CARS2: variants seen among roughly 807,000 people sequenced by gnomAD.
CARS2 encodes the protein cysteinyl-tRNA synthetase 2, mitochondrial.
A neutral mutation model predicts 68.8 loss-of-function variants in CARS2; 52 were observed. The ratio of observed to expected loss-of-function variants is 0.76; its 90% CI spans 0.61 to 0.95. The LOEUF is 0.95. Among genes scored for constraint, CARS2 ranks in the 40% least tolerant of loss-of-function variants. The probability of loss-of-function intolerance (pLI) is 0.00; values close to 1 mark genes in which losing one functional copy is unlikely to be tolerated. For synonymous variants in CARS2, 314 were observed against 303.6 expected (o/e 1.03, Z -0.36); for missense variants, 780 against 754.2 (o/e 1.03, Z -0.40).
rs552719429 is a variant in CARS2 at position 110,642,265 on chromosome 13, G to C, written c.1623+50C>G. On this transcript the variant is annotated intron_variant, in intron 14 of 14. Coordinates refer to ENST00000257347, the MANE Select transcript of CARS2 (RefSeq NM_024537.4). ...GCCTCTGATGGCCCCACGTCCTGTT[G>C]ACCTACCCGGCTCCTGGGGTGATGT... 4 of 1,444,062 alleles carry C rather than the reference G, an allele frequency of 2.8e-6. No individual in the cohort carries two copies. In the South Asian group the frequency reaches 3.7e-5, roughly 13 times the overall value. The allele number at this position is 1,444,062 out of a possible 1,614,324, so 89.5% of individuals were successfully genotyped here.
chr13:110,701,562 GAAAA>G lies in CARS2; in HGVS notation c.276-11_276-8del. On this transcript the variant is annotated splice_polypyrimidine_tract_variant and splice_region_variant and intron_variant, in intron 2 of 14. Transcript: ENST00000257347. ...ATCAAATCTAACATATGAGCTGAAA[GAAAA>G]AAAGTGTCAGGATGTCTTTATTACA... is the stretch of plus-strand genomic sequence containing the variant. The G allele has an allele frequency of 8.1e-7, 1 of 1,231,358 alleles. No homozygotes were observed. The highest frequency in any genetic ancestry group is 1.5e-5 in the African/African-American group (1 of 66,686). The allele number at this position is 1,231,358 out of a possible 1,614,324, so 76.3% of individuals were successfully genotyped here. A position where few individuals can be genotyped will look rare whatever the true frequency, so the allele number is the denominator to read the frequency against.
intron 7 of CARS2, among the ~76,000 whole-genome samples, chr13:110,669,335 G>A (rs1415663929): frequency 6.6e-6 from 1 of 151,998 alleles, no homozygotes; most frequent in Non-Finnish European, 1.5e-5. Flanking sequence ...CCTCGTGTGG[G>A]AGATAATTAT....
chr13:110,673,674 C>T (rs1462672468), intron 7 of CARS2, among the ~76,000 whole-genome samples: 2 of 152,150 alleles, frequency 1.3e-5, no homozygotes, highest in Non-Finnish European at 2.9e-5. Flanking sequence ...TGCCCTCTCT[C>T]ACCACTCCTA....
At chr13:110,658,653 T>C (rs1215876201) in intron 9 of CARS2, among the ~76,000 whole-genome samples, 1 of 152,188 alleles carries the variant, frequency 6.6e-6, no homozygotes, top group African/African-American at 2.4e-5. Context: ...CCAGGCGCAG[T>C]GACTCATGCC....
intron 2 of CARS2, among the ~76,000 whole-genome samples, chr13:110,702,633 C>T (rs1339251632): frequency 3.3e-5 from 5 of 152,208 alleles, no homozygotes; most frequent in Admixed American, 6.5e-5. Context: ...GGCTGAGTCC[C>T]GGAACTGCCC....
intron 12 of CARS2, chr13:110,645,662 G>A: frequency 3.5e-6 from 1 of 281,904 alleles, no homozygotes; most frequent in Non-Finnish European, 6.6e-6. Flanking sequence ...CTCTGTGAAA[G>A]GGCCATGAAT....
intron 7 of CARS2, among the ~76,000 whole-genome samples, chr13:110,671,681 A>G (rs1237592722): frequency 1.3e-5 from 2 of 152,232 alleles, no homozygotes; most frequent in South Asian, 2.1e-4. Flanking sequence ...ACCAGCTAAC[A>G]TCATAATGAC....
At chr13:110,671,614 C>T (rs184884902) in intron 7 of CARS2, among the ~76,000 whole-genome samples, 156 of 152,272 alleles carry the variant, frequency 1.0e-3, no homozygotes, top group Non-Finnish European at 1.2e-3. Flanking sequence ...AAAAACATGC[C>T]GAATTGTAAA....
At chr13:110,652,312 G>C (rs914613329) in intron 9 of CARS2, among the ~76,000 whole-genome samples, 2 of 152,264 alleles carry the variant, frequency 1.3e-5, no homozygotes, top group African/African-American at 4.8e-5. Flanking sequence ...AGAGCTGCCA[G>C]GGAGAGTGAG....
rs896892259 is a variant in CARS2 at position 110,705,924 on chromosome 13, C to G, written c.170G>C (p.Ser57Thr). The change falls in exon 1 of 15, where the codon AGC (serine) becomes ACC (threonine). Residue 57 changes from serine to threonine, a missense_variant. Transcript: ENST00000257347. The surrounding 1 kb of genome is among the most constrained non-coding windows in gnomAD (Gnocchi z 4.0). ...GRETGVQVYN[S>T]LTGRKEPLIV... ...TAGGGGTTCCTTCCTCCCGGTGAGGCTGTTGTACACCTGCACACCCGTCTC... is the reference window on the plus strand; with the variant it reads ...TAGGGGTTCCTTCCTCCCGGTGAGGGTGTTGTACACCTGCACACCCGTCTC... The G allele has an allele frequency of 3.8e-6, 6 of 1,574,608 alleles. No homozygotes were observed. In the African/African-American group the frequency reaches 4.1e-5, roughly 11 times the overall value.
At chr13:110,667,256 T>G in intron 8 of CARS2, 84 bp downstream of exon 8, 1 of 1,244,254 alleles carries the variant, frequency 8.0e-7, no homozygotes, top group Non-Finnish European at 1.1e-6. Context: ...ATCTACTATG[T>G]ATTTCCAAAT....
chr13:110,711,355 G>A (rs947721107), upstream of CARS2, among the ~76,000 whole-genome samples: 1 of 152,148 alleles, frequency 6.6e-6, no homozygotes, highest in Non-Finnish European at 1.5e-5. Context: ...TGGGACTACA[G>A]GCACGCGCCA....
chr13:110,713,242 T>C (rs1441042), exon 1 of CARS2: 3 of 1,377,842 alleles, frequency 2.2e-6, no homozygotes, highest in Admixed American at 6.2e-5. Flanking sequence ...CTTATACTGC[T>C]CTGTGGGGCG....
intron 10 of CARS2, chr13:110,648,310 A>C (rs2139688703): frequency 6.6e-6 from 1 of 152,348 alleles, no homozygotes; most frequent in African/African-American, 2.4e-5. Context: ...CTGTTAGAAT[A>C]AGATTACCAT....
chr13:110,703,230 C>T (rs959754989), intron 2 of CARS2, among the ~76,000 whole-genome samples: 7 of 152,222 alleles, frequency 4.6e-5, no homozygotes, highest in Non-Finnish European at 7.3e-5. Flanking sequence ...TACCTTTCTG[C>T]AGCAGGCACT....
At chr13:110,696,515 G>T (rs181116209) in intron 3 of CARS2, among the ~76,000 whole-genome samples, 109 of 152,254 alleles carry the variant, frequency 7.2e-4, no homozygotes, top group Admixed American at 6.1e-3. Flanking sequence ...ATTTCTTAAA[G>T]AATTACCTTT....
intron 3 of CARS2, among the ~76,000 whole-genome samples, chr13:110,693,547 C>T (rs2063536471): frequency 6.6e-6 from 1 of 151,980 alleles, no homozygotes; most frequent in African/African-American, 2.4e-5. Flanking sequence ...TTTTAGTAGA[C>T]ACGGGGTTTT....
At position 110,676,190 on chromosome 13, in the gene CARS2, C is replaced by T. The variant is rs928127187; in HGVS notation, c.785+784G>A. Reference sequence around the variant, plus strand: ...AACAGGAACATGAAACTAACTGTGGCGAGCCCCATGGGCAGCTGTGCAGCA... The same window carrying T: ...AACAGGAACATGAAACTAACTGTGGTGAGCCCCATGGGCAGCTGTGCAGCA... On this transcript the variant is annotated intron_variant, in intron 7 of 14. Coordinates refer to ENST00000257347, the MANE Select transcript of CARS2 (RefSeq NM_024537.4). The surrounding 1 kb of genome is among the most constrained non-coding windows in gnomAD (Gnocchi z 4.0). Among the ~76,000 whole-genome samples the T allele has an allele frequency of 6.6e-6, 1 of 152,198 alleles. No homozygotes were observed. The highest frequency in any genetic ancestry group is 1.9e-4 in the East Asian group (1 of 5,182).
intron 12 of CARS2, 75 bp downstream of exon 12, chr13:110,645,892 T>G: frequency 7.4e-4 from 1,135 of 1,536,702 alleles, no homozygotes; most frequent in Non-Finnish European, 9.1e-4. Flanking sequence ...CCAGCCGACA[T>G]GAGAAAAACC....
Sources: gnomAD v4.1 joint callset for allele counts (sites outside exome capture counted in the v4.1 genomes callset) on GRCh38, gnomAD v4.1.1 for gene constraint, Gnocchi (gnomAD v3.1) non-coding constraint, MANE v1.5 for transcripts, NCBI Gene and HGNC (gene_info 2026-07-23, HGNC 2026-07-21) for gene names.